The following FOLR1 variants were observed in gnomAD, a reference collection of about 807,000 sequenced individuals.
FOLR1 encodes the protein folate receptor alpha.
In FOLR1, 11 loss-of-function variants were observed where a neutral mutation model predicts 22.8. The observed-to-expected ratio is 0.48, with a 90% confidence interval of 0.30 to 0.80. FOLR1 has a LOEUF of 0.80. FOLR1 is among the 30% of genes least tolerant of loss of function. The pLI is 0.06. For missense variants in FOLR1, 273 were observed against 320.3 expected (o/e 0.85, Z 1.13); for synonymous variants, 108 against 116.5 (o/e 0.93, Z 0.47).
At chr11:72,191,671 A>G (rs1185341217), upstream of FOLR1, among the ~76,000 whole-genome samples, 1 of 152,186 alleles carries the variant, frequency 6.6e-6, no homozygotes, top group Non-Finnish European at 1.5e-5. Context: ...CCATTTTTGT[A>G]AACTTTTACA....
intron 1 of FOLR1, 119 bp from the exon 2 acceptor site, chr11:72,195,152 G>C: frequency 9.8e-7 from 1 of 1,021,000 alleles, no homozygotes; most frequent in East Asian, 2.5e-5. Flanking sequence ...GTATTTTCCT[G>C]GGTGACTTCC....
chr11:72,195,160 T>A, intron 1 of FOLR1, 111 bp from the exon 2 acceptor site: 5 of 1,099,714 alleles, frequency 4.5e-6, no homozygotes, highest in Non-Finnish European at 6.9e-6. Flanking sequence ...CTGGGTGACT[T>A]CCAGTGGGCT....
At chr11:72,191,240 C>T (rs138991626), upstream of FOLR1, among the ~76,000 whole-genome samples, 75 of 152,112 alleles carry the variant, frequency 4.9e-4, no homozygotes, top group African/African-American at 1.6e-3. Flanking sequence ...CCATGGTTTC[C>T]GGGAAGGGCC....
chr11:72,195,937 C>T lies in FOLR1; in HGVS notation c.534C>T (p.Phe178=), dbSNP rs1948225989. 5.0e-6 allele frequency: 8 copies of T among 1,614,126 alleles called. No individual in the cohort carries two copies. Among genetic ancestry groups the T allele is most frequent in the Non-Finnish European group, 6.8e-6 (8 of 1,180,056 alleles). ...KCAVGAACQP[F]HFYFPTPTVL... ...CAGTGGGAGCTGCCTGCCAACCTTT[C>T]CATTTCTACTTCCCCACACCCACTG... The change falls in exon 4 of 4, where the codon TTC becomes TTT. Residue 178 remains phenylalanine (F), a synonymous_variant. Transcript: ENST00000393676.
chr11:72,196,261 G>C lies in FOLR1; in HGVS notation c.*84G>C, dbSNP rs374669370. 1.4e-6 allele frequency: 2 copies of C among 1,479,530 alleles called. No homozygotes were observed. The highest frequency in any genetic ancestry group is 1.9e-6 in the Non-Finnish European group (2 of 1,065,558). The allele number at this position is 1,479,530 out of a possible 1,614,324, so 91.7% of individuals were successfully genotyped here. A position where few individuals can be genotyped will look rare whatever the true frequency, so the allele number is the denominator to read the frequency against. ...ACTATTTGGTTCCTGCTCCATGGTC[G>C]GGCCTCTGACAGCCACTTTGAATAA... On this transcript the variant is annotated 3_prime_UTR_variant, in exon 4 of 4. Coordinates refer to ENST00000393676, the MANE Select transcript of FOLR1 (RefSeq NM_016729.3).
chr11:72,191,954 G>A (rs112331849), upstream of FOLR1: 175 of 568,670 alleles, frequency 3.1e-4, 6 homozygotes, highest in South Asian at 3.0e-3. Context: ...CCTGAACCTC[G>A]TGACCACCTG....
At position 72,195,755 on chromosome 11, in the gene FOLR1, C is replaced by G. The variant is rs1160452954; in HGVS notation, c.493+8C>G. The G allele has an allele frequency of 1.2e-6, 2 of 1,613,962 alleles. No homozygotes were observed. Among genetic ancestry groups the G allele is most frequent in the East Asian group, 2.2e-5 (1 of 44,892 alleles). ...GCTGGAACTGGACTTCAGGTGAGGGCTGGGGTGGGCAGGAATGGAGGGATT... is the reference window on the plus strand; with the variant it reads ...GCTGGAACTGGACTTCAGGTGAGGGGTGGGGTGGGCAGGAATGGAGGGATT... On this transcript the variant is annotated splice_region_variant and intron_variant, in intron 3 of 3. Coordinates refer to ENST00000393676, the MANE Select transcript of FOLR1 (RefSeq NM_016729.3).
In FOLR1 at chr11:72,195,982, G is replaced by T; in HGVS notation, c.579G>T (p.Trp193Cys). ...CCACTGTTCTGTGCAATGAAATCTG[G>T]ACTCACTCCTACAAGGTCAGCAACT... Reference protein sequence around the residue: ...PTPTVLCNEIWTHSYKVSNYS... With the variant: ...PTPTVLCNEICTHSYKVSNYS... The change falls in exon 4 of 4, where the codon TGG becomes TGT. Residue 193 changes from tryptophan (W) to cysteine (C), a missense_variant. Trp to Cys is a radical substitution (Grantham distance 215). Coordinates refer to ENST00000393676, the MANE Select transcript of FOLR1 (RefSeq NM_016729.3). 2 of 1,614,130 alleles carry T rather than the reference G, an allele frequency of 1.2e-6. No homozygotes were observed. The highest frequency in any genetic ancestry group is 1.7e-6 in the Non-Finnish European group (2 of 1,180,010).
chr11:72,194,458 G>A (rs1181695992), intron 1 of FOLR1, among the ~76,000 whole-genome samples: 1 of 152,048 alleles, frequency 6.6e-6, no homozygotes, highest in Non-Finnish European at 1.5e-5. Flanking sequence ...GGAGTGCAGT[G>A]GCATGATCTC....
upstream of FOLR1, among the ~76,000 whole-genome samples, chr11:72,191,517 C>T (rs184538399): frequency 1.3e-5 from 2 of 152,182 alleles, no homozygotes; most frequent in Non-Finnish European, 2.9e-5. Flanking sequence ...CACACGACAC[C>T]GCACCCAGCT....
In FOLR1 at chr11:72,192,146, G is replaced by T; in HGVS notation, c.-28G>T. On this transcript the variant is annotated 5_prime_UTR_variant, in exon 1 of 4. Transcript: ENST00000393676. ...CACCTCCGCATTCCTTGGTGCCACTGACCACAGCTCTTTCTTCAGGGACAG... is the reference window on the plus strand; with the variant it reads ...CACCTCCGCATTCCTTGGTGCCACTTACCACAGCTCTTTCTTCAGGGACAG... 1.2e-6 allele frequency: 2 copies of T among 1,613,852 alleles called. No individual in the cohort carries two copies. The highest frequency in any genetic ancestry group is 2.2e-5 in the South Asian group (2 of 90,990).
chr11:72,195,178 C>A, intron 1 of FOLR1, 93 bp from the exon 2 acceptor site: 1 of 1,257,638 alleles, frequency 8.0e-7, no homozygotes, highest in Non-Finnish European at 1.2e-6. Context: ...GCTGGGGAAT[C>A]AAGGACTAAG....
chr11:72,194,319 T>G (rs761765433), intron 1 of FOLR1, among the ~76,000 whole-genome samples: 20 of 152,338 alleles, frequency 1.3e-4, no homozygotes, highest in Middle Eastern at 3.4e-3. Context: ...AAACAGATAA[T>G]GGGTGAGGCA....
At position 72,195,441 on chromosome 11, in the gene FOLR1, G is replaced by A; in HGVS notation, c.339G>A (p.Leu113=). Residue 113 remains leucine (L), a synonymous_variant, in exon 2 of 4, where the codon TTG becomes TTA. Coordinates refer to ENST00000393676, the MANE Select transcript of FOLR1 (RefSeq NM_016729.3). ...DTCLYECSPN[L]GPWIQQVDQS... The stretch of plus-strand genomic sequence containing the variant: ...GCCTCTACGAGTGCTCCCCCAACTT[G>A]GGGCCCTGGATCCAGCAGGTATGCA... 1 of 1,614,204 alleles carries A rather than the reference G, an allele frequency of 6.2e-7. No individual in the cohort carries two copies. Among genetic ancestry groups the A allele is most frequent in the Non-Finnish European group, 8.5e-7 (1 of 1,180,044 alleles).
upstream of FOLR1, among the ~76,000 whole-genome samples, chr11:72,191,416 G>A (rs908996743): frequency 1.3e-5 from 2 of 151,222 alleles, no homozygotes; most frequent in Non-Finnish European, 2.9e-5. Flanking sequence ...AGGCTAGAGT[G>A]CAATGGCACA....
upstream of FOLR1, chr11:72,190,306 A>G (rs534763472): frequency 6.6e-6 from 1 of 152,434 alleles, no homozygotes; most frequent in Admixed American, 6.5e-5. Flanking sequence ...GGCAAAGGCC[A>G]AAAGAGCTCT....
At chr11:72,193,449 C>CT (rs1003454532) in intron 1 of FOLR1, among the ~76,000 whole-genome samples, 38 of 146,480 alleles carry the variant, frequency 2.6e-4, no homozygotes, top group Admixed American at 5.5e-4. Context: ...ATACGCATTT[C>CT]TTTTTTTTTT....
At position 72,195,965 on chromosome 11, in the gene FOLR1, C is replaced by G. The variant is rs764082504; in HGVS notation, c.562C>G (p.Leu188Val). 1.2e-6 allele frequency: 2 copies of G among 1,614,192 alleles called. No homozygotes were observed. Among genetic ancestry groups the G allele is most frequent in the African/African-American group, 2.7e-5 (2 of 75,050 alleles). ...FHFYFPTPTV[L>V]CNEIWTHSYK... ...TTTCTACTTCCCCACACCCACTGTTCTGTGCAATGAAATCTGGACTCACTC... is the reference window on the plus strand; with the variant it reads ...TTTCTACTTCCCCACACCCACTGTTGTGTGCAATGAAATCTGGACTCACTC... The change falls in exon 4 of 4, where the codon CTG becomes GTG. Residue 188 changes from leucine (L) to valine (V), a missense_variant. Physicochemically the swap from Leu to Val is conservative, Grantham distance 32. Transcript: ENST00000393676.
upstream of FOLR1, among the ~76,000 whole-genome samples, chr11:72,191,194 A>T (rs535797025): frequency 1.1e-4 from 17 of 152,230 alleles, no homozygotes; most frequent in African/African-American, 4.1e-4. Context: ...GTCCCCTGCC[A>T]GCACCCATGT....
Sources: allele counts gnomAD v4.1 joint callset (sites outside exome capture counted in the v4.1 genomes callset), GRCh38; gene constraint gnomAD v4.1.1; transcripts MANE v1.5; gene names NCBI Gene and HGNC (gene_info 2026-07-23, HGNC 2026-07-21).